Variants in KIAA0825 observed in about 807,000 individuals in gnomAD.
KIAA0825 encodes the protein uncharacterized protein KIAA0825.
Under a neutral mutation model 147.6 loss-of-function variants are expected in KIAA0825, and 119 were observed. That is an observed-to-expected ratio of 0.81 (90% confidence interval 0.69 to 0.94). The LOEUF is 0.94. Among genes scored for constraint, KIAA0825 ranks in the 40% least tolerant of loss-of-function variants. The probability of loss-of-function intolerance (pLI) is 0.00; values close to 1 mark genes in which losing one functional copy is unlikely to be tolerated. For missense variants in KIAA0825, 1,381 were observed against 1,472.7 expected, an observed-to-expected ratio of 0.94 and a Z score of 1.02; for synonymous variants, 470 against 518.1, an observed-to-expected ratio of 0.91 and a Z score of 1.26.
At chr5:94,326,364 C>G (rs1015071662) in intron 20 of KIAA0825, among the ~76,000 whole-genome samples, 2 of 152,034 alleles carry the variant, frequency 1.3e-5, no homozygotes, top group Admixed American at 1.3e-4. Flanking sequence ...GGGGGAGTTA[C>G]GAAAGTTTAT....
intron 20 of KIAA0825, among the ~76,000 whole-genome samples, chr5:94,219,312 C>A (rs1773479160): frequency 6.6e-6 from 1 of 152,080 alleles, no homozygotes; most frequent in Non-Finnish European, 1.5e-5. Flanking sequence ...CTATGATAAT[C>A]TAATGTTGCC....
intron 20 of KIAA0825, among the ~76,000 whole-genome samples, chr5:94,197,521 G>C (rs1771247137): frequency 6.6e-6 from 1 of 152,068 alleles, no homozygotes; most frequent in Admixed American, 6.6e-5. Context: ...ATTGCTTTTG[G>C]GGACTTCATC....
At chr5:94,436,044 G>A (rs1756329318) in intron 14 of KIAA0825, among the ~76,000 whole-genome samples, 1 of 152,106 alleles carries the variant, frequency 6.6e-6, no homozygotes, top group Admixed American at 6.6e-5. Context: ...CCAATGCATA[G>A]TTTGCAAAAT....
intron 20 of KIAA0825, among the ~76,000 whole-genome samples, chr5:94,270,359 A>G (rs547577608): frequency 2.6e-5 from 4 of 152,288 alleles, no homozygotes; most frequent in Middle Eastern, 3.4e-3. Flanking sequence ...CAGTCTCTTC[A>G]ATAAATGTTA....
Position 94,383,244 on chromosome 5 carries a change from G to A in KIAA0825, c.3710+1124C>T, listed in dbSNP as rs751425873. On this transcript the variant is annotated intron_variant, in intron 20 of 20. Transcript: ENST00000682413. Reference sequence around the variant, plus strand: ...TTGTTGAACTTTGTCTATGATGGGTGTGTGAGCTTAATTCAGGGGTGAAAT... The same window carrying A: ...TTGTTGAACTTTGTCTATGATGGGTATGTGAGCTTAATTCAGGGGTGAAAT... Among the ~76,000 whole-genome samples, 3 of 152,182 alleles carry A rather than the reference G, an allele frequency of 2.0e-5. No homozygotes were observed. In the South Asian group the frequency reaches 6.2e-4, roughly 32 times the overall value.
intron 20 of KIAA0825, among the ~76,000 whole-genome samples, chr5:94,276,417 C>T (rs944670868): frequency 2.6e-5 from 4 of 152,042 alleles, no homozygotes; most frequent in African/African-American, 9.7e-5. Context: ...GGTGATTTCA[C>T]ATAGAATATG....
At chr5:94,183,572 C>T (rs1769861200) in intron 20 of KIAA0825, among the ~76,000 whole-genome samples, 1 of 152,110 alleles carries the variant, frequency 6.6e-6, no homozygotes, top group Non-Finnish European at 1.5e-5. Context: ...TCAGCCCAAC[C>T]CCTTGACATC....
At chr5:94,158,590 A>T in intron 20 of KIAA0825, among the ~76,000 whole-genome samples, 1 of 152,312 alleles carries the variant, frequency 6.6e-6, no homozygotes, top group East Asian at 1.9e-4. Flanking sequence ...AATATTGAAT[A>T]AGAATAGGTA....
intron 20 of KIAA0825, among the ~76,000 whole-genome samples, chr5:94,224,050 TTTTTC>T (rs1218635233): frequency 2.0e-5 from 3 of 151,326 alleles, no homozygotes; most frequent in South Asian, 4.2e-4. Flanking sequence ...ACTCCATTTC[TTTTTC>T]TTTTCTTTTC....
intron 1 of KIAA0825, among the ~76,000 whole-genome samples, chr5:94,608,616 G>A (rs1375199618): frequency 7.2e-6 from 1 of 139,104 alleles, no homozygotes; most frequent in Non-Finnish European, 1.5e-5. Context: ...TTACAGGCCT[G>A]AGCCACTGCA....
At chr5:94,322,583 T>G (rs1227385941) in intron 20 of KIAA0825, among the ~76,000 whole-genome samples, 1 of 151,836 alleles carries the variant, frequency 6.6e-6, no homozygotes, top group Non-Finnish European at 1.5e-5. Flanking sequence ...CTCTTAATAT[T>G]TAAATAATAT....
rs368525454 is a variant in KIAA0825 at position 94,488,332 on chromosome 5, CTCTG to C, written c.971-3406_971-3403del. 6.7e-3 allele frequency among the ~76,000 whole-genome samples: 1,015 copies of C among 152,282 alleles called. 5 individuals carry two copies. The highest frequency in any genetic ancestry group is 9.5e-3 in the South Asian group (46 of 4,818). On this transcript the variant is annotated intron_variant, in intron 5 of 20. Coordinates refer to ENST00000682413, the MANE Select transcript of KIAA0825 (RefSeq NM_001145678.3). ...GACATACATGTTTACACACAGGCAACTCTGTCTGGCCTTCTGCTAACCATTGCTG... is the reference window on the plus strand; with the variant it reads ...GACATACATGTTTACACACAGGCAACTCTGGCCTTCTGCTAACCATTGCTG...
intron 20 of KIAA0825, among the ~76,000 whole-genome samples, chr5:94,281,107 T>C (rs1291174495): frequency 6.6e-6 from 1 of 152,026 alleles, no homozygotes; most frequent in African/African-American, 2.4e-5. Flanking sequence ...CACTTATTTG[T>C]AAAATGTCAG....
intron 2 of KIAA0825, among the ~76,000 whole-genome samples, chr5:94,553,301 A>C (rs943395922): frequency 1.3e-5 from 2 of 151,916 alleles, no homozygotes; most frequent in African/African-American, 4.8e-5. Context: ...TTAGCAGGGC[A>C]TGGTGGTTGG....
At chr5:94,438,671 A>T (rs2150830489) in intron 14 of KIAA0825, among the ~76,000 whole-genome samples, 1 of 152,258 alleles carries the variant, frequency 6.6e-6, no homozygotes, top group Admixed American at 6.5e-5. Context: ...CACTGCTCCT[A>T]AGTGCCTTTT....
At chr5:94,595,518 A>G (rs1785133484) in intron 1 of KIAA0825, among the ~76,000 whole-genome samples, 1 of 152,096 alleles carries the variant, frequency 6.6e-6, no homozygotes, top group Non-Finnish European at 1.5e-5. Context: ...AGGCTTCCCC[A>G]CTTGTGATGG....
At chr5:94,501,793 T>C (rs1765120336) in intron 5 of KIAA0825, among the ~76,000 whole-genome samples, 1 of 152,164 alleles carries the variant, frequency 6.6e-6, no homozygotes, top group Non-Finnish European at 1.5e-5. Context: ...ATTAGCTTAC[T>C]CTCTGGTCCG....
At chr5:94,176,097 G>C (rs1280315227) in intron 20 of KIAA0825, among the ~76,000 whole-genome samples, 1 of 152,076 alleles carries the variant, frequency 6.6e-6, no homozygotes, top group Admixed American at 6.6e-5. Flanking sequence ...GGCAGTGTTG[G>C]GGGTAGGGCC....
chr5:94,212,273 A>C (rs1352345293), intron 20 of KIAA0825, among the ~76,000 whole-genome samples: 1 of 152,220 alleles, frequency 6.6e-6, no homozygotes, highest in Non-Finnish European at 1.5e-5. Flanking sequence ...AAGTGAAAAT[A>C]AACACTCTTG....
Sources: allele counts gnomAD v4.1 joint callset (sites outside exome capture counted in the v4.1 genomes callset), GRCh38; gene constraint gnomAD v4.1.1; transcripts MANE v1.5; gene names NCBI Gene and HGNC (gene_info 2026-07-23, HGNC 2026-07-21).